NIBAN1: variants seen among roughly 807,000 people sequenced by gnomAD.
NIBAN1 encodes protein Niban 1.
A neutral mutation model predicts 75.1 loss-of-function variants in NIBAN1; 81 were observed. The ratio of observed to expected loss-of-function variants is 1.08; its 90% CI spans 0.90 to 1.30. NIBAN1 has a LOEUF of 1.30. Among genes scored for constraint, NIBAN1 ranks in the 50% most tolerant of loss-of-function variants. NIBAN1 has a pLI of 0.00. For synonymous variants in NIBAN1, 436 were observed against 424.8 expected, an observed-to-expected ratio of 1.03 and a Z score of -0.32; for missense variants, 1,133 against 1,128.1, an observed-to-expected ratio of 1.00 and a Z score of -0.06.
intron 5 of NIBAN1, among the ~76,000 whole-genome samples, chr1:184,880,006 T>G (rs1156238926): frequency 6.6e-6 from 1 of 152,238 alleles, no homozygotes; most frequent in Non-Finnish European, 1.5e-5. Flanking sequence ...GCTTCCCAGA[T>G]AGTCTACTGT....
intron 5 of NIBAN1, among the ~76,000 whole-genome samples, chr1:184,882,707 G>A (rs371379904): frequency 6.6e-6 from 1 of 152,128 alleles, no homozygotes. Context: ...TACATGAAAG[G>A]GGGAATGCAG....
At chr1:184,888,619 C>T (rs1008553332) in intron 4 of NIBAN1, among the ~76,000 whole-genome samples, 8 of 152,166 alleles carry the variant, frequency 5.3e-5, no homozygotes, top group East Asian at 1.9e-4. Context: ...CATTAAAATG[C>T]CCCAATCTGA....
chr1:184,819,332 G>A (rs1052446646), intron 8 of NIBAN1, among the ~76,000 whole-genome samples: 2 of 151,978 alleles, frequency 1.3e-5, no homozygotes, highest in African/African-American at 4.8e-5. Context: ...CATTCAGTTT[G>A]CCACCCTACC....
At position 184,948,215 on chromosome 1, in the gene NIBAN1, A is replaced by G. The variant is rs1301062139; in HGVS notation, c.55+26087T>C. On this transcript the variant is annotated intron_variant, in intron 1 of 13. Transcript: ENST00000367511. The stretch of plus-strand genomic sequence containing the variant: ...TTCTTAGATATATATGGTACTTAGA[A>G]AGAGCTAATTCCAGCACATTTCTAT... 3.9e-5 allele frequency among the ~76,000 whole-genome samples: 6 copies of G among 152,308 alleles called. No individual in the cohort carries two copies. In the East Asian group the frequency reaches 1.2e-3, roughly 29 times the overall value.
At position 184,823,752 on chromosome 1, in the gene NIBAN1, A is replaced by G. The variant is rs763853391; in HGVS notation, c.718-10T>C. 6.2e-7 allele frequency: 1 copy of G among 1,613,656 alleles called. No individual in the cohort carries two copies. The highest frequency in any genetic ancestry group is 1.1e-5 in the South Asian group (1 of 91,066). On this transcript the variant is annotated splice_polypyrimidine_tract_variant and intron_variant, in intron 6 of 13. Transcript: ENST00000367511. ...CCAGGTTACTCAGGATCTGCGCAGC[A>G]GAAGACAGCCCAGAGTCGGTCAGTC...
At chr1:184,925,559 T>C (rs1270159464) in intron 1 of NIBAN1, among the ~76,000 whole-genome samples, 2 of 152,116 alleles carry the variant, frequency 1.3e-5, no homozygotes, top group Non-Finnish European at 2.9e-5. Context: ...TTTCTTTATT[T>C]TTATTTTTTT....
At position 184,932,529 on chromosome 1, in the gene NIBAN1, C is replaced by T. The variant is rs549116092; in HGVS notation, c.56-33220G>A. Among the ~76,000 whole-genome samples the T allele has an allele frequency of 4.6e-5, 7 of 152,220 alleles. No homozygotes were observed. The East Asian group carries it at 7.7e-4, about 17-fold the overall frequency. Reference sequence around the variant, plus strand: ...AGGTGGTAATGCAAGTAATGGGGAGCGGCTGTAAATACAGATGAAGCTTCG... The same window carrying T: ...AGGTGGTAATGCAAGTAATGGGGAGTGGCTGTAAATACAGATGAAGCTTCG... On this transcript the variant is annotated intron_variant, in intron 1 of 13. Transcript: ENST00000367511.
At chr1:184,933,500 G>A (rs867461770) in intron 1 of NIBAN1, among the ~76,000 whole-genome samples, 1 of 152,160 alleles carries the variant, frequency 6.6e-6, no homozygotes, top group African/African-American at 2.4e-5. Flanking sequence ...CAGGGATAGT[G>A]CTGGGCACTT....
chr1:184,889,034 T>A (rs1022669339), intron 4 of NIBAN1, among the ~76,000 whole-genome samples: 2 of 152,224 alleles, frequency 1.3e-5, no homozygotes, highest in African/African-American at 4.8e-5. Context: ...TAAATTCTAA[T>A]GAAATTATTA....
At chr1:184,885,588 GC>G (rs1416030891) in intron 4 of NIBAN1, among the ~76,000 whole-genome samples, 1 of 152,032 alleles carries the variant, frequency 6.6e-6, no homozygotes, top group Non-Finnish European at 1.5e-5. Context: ...CACTCTACTG[GC>G]CCTGCAGGCT....
In NIBAN1 at chr1:184,972,497, T is replaced by C. The variant is rs185169590; in HGVS notation, c.55+1805A>G. Among the ~76,000 whole-genome samples the C allele has an allele frequency of 2.3e-3, 353 of 152,346 alleles. 1 individual carries two copies. The highest frequency in any genetic ancestry group is 8.4e-3 in the African/African-American group (348 of 41,582). Reference sequence around the variant, plus strand: ...AGACTAGCATTCTCACATGAAGTGATGAGTCTTTTTCCCTGGAGGTATTCT... The same window carrying C: ...AGACTAGCATTCTCACATGAAGTGACGAGTCTTTTTCCCTGGAGGTATTCT... On this transcript the variant is annotated intron_variant, in intron 1 of 13. Coordinates refer to ENST00000367511, the MANE Select transcript of NIBAN1 (RefSeq NM_052966.4).
chr1:184,870,144 C>T (rs1356196734), intron 5 of NIBAN1, among the ~76,000 whole-genome samples: 1 of 152,222 alleles, frequency 6.6e-6, no homozygotes, highest in Admixed American at 6.5e-5. Flanking sequence ...TCTGATTCCA[C>T]ACCAAGTCAT....
intron 5 of NIBAN1, among the ~76,000 whole-genome samples, chr1:184,836,821 G>T (rs1418442388): frequency 6.6e-6 from 1 of 152,174 alleles, no homozygotes; most frequent in East Asian, 1.9e-4. Context: ...AAGGAAAAAA[G>T]ATCTAATCTA....
At chr1:184,814,230 A>C (rs1366062806) in intron 9 of NIBAN1, among the ~76,000 whole-genome samples, 1 of 152,218 alleles carries the variant, frequency 6.6e-6, no homozygotes, top group Non-Finnish European at 1.5e-5. Flanking sequence ...GGACATGGGA[A>C]TAAAAGCATA....
intron 9 of NIBAN1, among the ~76,000 whole-genome samples, chr1:184,818,259 T>C (rs1332458163): frequency 6.6e-6 from 1 of 152,186 alleles, no homozygotes; most frequent in Non-Finnish European, 1.5e-5. Flanking sequence ...TATACCAAGC[T>C]ATTTCTATTA....
chr1:184,963,342 A>C (rs1184893330), intron 1 of NIBAN1, among the ~76,000 whole-genome samples: 3 of 152,148 alleles, frequency 2.0e-5, no homozygotes, highest in Non-Finnish European at 4.4e-5. Flanking sequence ...ACTTAATAGC[A>C]AAATGGGGAA....
In NIBAN1 at chr1:184,808,081, A is replaced by G. The variant is rs751141713; in HGVS notation, c.1328T>C (p.Met443Thr). 5.0e-6 allele frequency: 8 copies of G among 1,613,740 alleles called. No individual in the cohort carries two copies. The highest frequency in any genetic ancestry group is 1.7e-5 in the Admixed American group (1 of 59,988). ...DLVVQRTQNY[M>T]QELMENAVFT... ...TGCCCCTGCCACACCCACCTCCTGC[A>G]TGTAGTTCTGTGTCCTCTGAACCAC... Residue 443 changes from methionine to threonine, a missense_variant, in exon 10 of 14, where the codon ATG (methionine) becomes ACG (threonine). By Grantham distance (81) the Met-to-Thr change is moderately conservative (BLOSUM62 -1). Transcript: ENST00000367511.
chr1:184,808,074 C>T lies in NIBAN1; in HGVS notation c.1335G>A (p.Glu445=). 6.2e-7 allele frequency: 1 copy of T among 1,613,834 alleles called. No individual in the cohort carries two copies. Among genetic ancestry groups the T allele is most frequent in the Non-Finnish European group, 8.5e-7 (1 of 1,179,862 alleles). Residue 445 remains glutamate (E), a splice_region_variant and synonymous_variant, in exon 10 of 14, where the codon GAG becomes GAA. Transcript: ENST00000367511. ...CCACGGATGCCCCTGCCACACCCAC[C>T]TCCTGCATGTAGTTCTGTGTCCTCT... ...VVQRTQNYMQ[E]LMENAVFTFE...
At chr1:184,932,974 G>A (rs909426866) in intron 1 of NIBAN1, among the ~76,000 whole-genome samples, 3 of 152,150 alleles carry the variant, frequency 2.0e-5, no homozygotes, top group African/African-American at 7.2e-5. Flanking sequence ...CAATAATGCA[G>A]AAAGCATAAC....
Sources: allele counts gnomAD v4.1 joint callset (sites outside exome capture counted in the v4.1 genomes callset), GRCh38; gene constraint gnomAD v4.1.1; transcripts MANE v1.5; gene names NCBI Gene and HGNC (gene_info 2026-07-23, HGNC 2026-07-21).